Variants in IDO2 observed in about 807,000 individuals in gnomAD.
IDO2 encodes the protein indoleamine 2,3-dioxygenase-like 1 protein.
In IDO2, 46 loss-of-function variants were observed where a neutral mutation model predicts 45.1. That is an observed-to-expected ratio of 1.02 (90% CI 0.80 to 1.30). IDO2 has a LOEUF of 1.30. Ranked by LOEUF, IDO2 falls within the 50% of genes most tolerant of loss-of-function variation. The pLI is 0.00. For synonymous variants in IDO2, 218 were observed against 184.9 expected (o/e 1.18, Z -1.45); for missense variants, 544 against 491.8 (o/e 1.11, Z -1.00).
chr8:39,983,430 T>C (rs1252047984), intron 5 of IDO2, among the ~76,000 whole-genome samples: 1 of 152,224 alleles, frequency 6.6e-6, no homozygotes, highest in Non-Finnish European at 1.5e-5. Flanking sequence ...CTTTCTTTTG[T>C]GGCTGACTAC....
chr8:39,948,943 G>C (rs759611547), intron 1 of IDO2, among the ~76,000 whole-genome samples: 1 of 152,088 alleles, frequency 6.6e-6, no homozygotes. Context: ...GAGTTTGTTT[G>C]GTTTGTCTGT....
At chr8:39,997,781 C>T (rs1192565511) in intron 8 of IDO2, 3 of 153,104 alleles carry the variant, frequency 2.0e-5, no homozygotes, top group Non-Finnish European at 4.4e-5. Context: ...CACATTTTCA[C>T]CAGTCGTTGT....
intron 2 of IDO2, among the ~76,000 whole-genome samples, chr8:39,950,353 G>T (rs1045068260): frequency 2.0e-5 from 3 of 152,116 alleles, no homozygotes; most frequent in African/African-American, 7.2e-5. Flanking sequence ...TCAACATGGT[G>T]AAACCCCGTC....
In IDO2 at chr8:40,013,542, T is replaced by C. The variant is rs370544934; in HGVS notation, c.720-23T>C. The C allele has an allele frequency of 2.1e-5, 34 of 1,605,468 alleles. No individual in the cohort carries two copies. The African/African-American group carries it at 4.4e-4, about 21-fold the overall frequency. On this transcript the variant is annotated intron_variant, in intron 9 of 10. Coordinates refer to ENST00000502986, the Ensembl canonical transcript of IDO2. The stretch of plus-strand genomic sequence containing the variant: ...ATTACCTCCCTGCACCCCTTTCATC[T>C]CTCTCACTTTTCTCTTGCTTAGATG...
chr8:40,015,228 G>T lies in IDO2; in HGVS notation c.869-19G>T, dbSNP rs1012793230. The stretch of plus-strand genomic sequence containing the variant: ...TTTCCATGTGGAGCTATGACGTTAT[G>T]CTGTATTGTTTCTTTCAGGTGACTT... On this transcript the variant is annotated intron_variant, in intron 10 of 10. Coordinates refer to ENST00000502986, the Ensembl canonical transcript of IDO2. 2.9e-6 allele frequency: 4 copies of T among 1,360,292 alleles called. No homozygotes were observed. In the East Asian group the frequency reaches 9.2e-5, roughly 31 times the overall value. 84.3% of individuals were successfully genotyped at this position (1,360,292 alleles called of 1,614,324 possible).
At chr8:39,989,421 T>C (rs1415124891) in intron 7 of IDO2, among the ~76,000 whole-genome samples, 5 of 152,122 alleles carry the variant, frequency 3.3e-5, no homozygotes, top group African/African-American at 1.2e-4. Flanking sequence ...GTAGAACTGA[T>C]CATAACGTGA....
intron 1 of IDO2, among the ~76,000 whole-genome samples, chr8:39,942,593 T>A (rs1807660064): frequency 6.6e-6 from 1 of 151,848 alleles, no homozygotes; most frequent in South Asian, 2.1e-4. Context: ...TGAGGCAAGA[T>A]CAAGCCACGG....
exon 11 of IDO2, chr8:40,015,710 A>G: frequency 1.3e-6 from 1 of 795,828 alleles, no homozygotes. Context: ...TCTCAGCCCT[A>G]TTCATGTTTC....
chr8:39,992,109 G>A (rs751740789), intron 8 of IDO2, among the ~76,000 whole-genome samples: 5 of 152,222 alleles, frequency 3.3e-5, no homozygotes, highest in Admixed American at 6.5e-5. Flanking sequence ...CATCCTGCGC[G>A]CTCCTCCACA....
intron 3 of IDO2, among the ~76,000 whole-genome samples, chr8:39,975,330 T>C (rs1020863285): frequency 2.6e-5 from 4 of 151,930 alleles, no homozygotes; most frequent in African/African-American, 9.7e-5. Context: ...CCTCTGTTCA[T>C]CAAAACAGGC....
intron 2 of IDO2, among the ~76,000 whole-genome samples, chr8:39,960,032 T>G (rs1807968632): frequency 6.6e-6 from 1 of 152,142 alleles, no homozygotes; most frequent in African/African-American, 2.4e-5. Flanking sequence ...ACCCAAGTTA[T>G]GAATTAATTA....
At chr8:39,941,978 A>G (rs928593457) in intron 1 of IDO2, among the ~76,000 whole-genome samples, 29 of 152,288 alleles carry the variant, frequency 1.9e-4, no homozygotes, top group African/African-American at 6.7e-4. Flanking sequence ...AGTCCCAGCT[A>G]CTCACTCAAC....
intron 5 of IDO2, among the ~76,000 whole-genome samples, chr8:39,983,550 A>G (rs1808383394): frequency 6.6e-6 from 1 of 152,142 alleles, no homozygotes; most frequent in South Asian, 2.1e-4. Flanking sequence ...TTTAGTAGAC[A>G]GCCTAGATTT....
At chr8:39,944,248 AC>A (rs1317674881) in intron 1 of IDO2, among the ~76,000 whole-genome samples, 1 of 141,976 alleles carries the variant, frequency 7.0e-6, no homozygotes, top group Non-Finnish European at 1.5e-5. Context: ...GAGATCTATG[AC>A]CTGAATATTA....
rs191253971 is a variant in IDO2 at position 40,004,688 on chromosome 8, C to T, written c.668-639C>T. On this transcript the variant is annotated intron_variant, in intron 8 of 10. Coordinates refer to ENST00000502986, the Ensembl canonical transcript of IDO2. ...TACGTGAAAACAATAGAACAACCTT[C>T]GAAAAGAAATTTAGTACAAATAAGA... 3.3e-3 allele frequency among the ~76,000 whole-genome samples: 502 copies of T among 151,740 alleles called. 2 individuals are homozygous for T. Among genetic ancestry groups the T allele is most frequent in the African/African-American group, 0.012 (487 of 41,424 alleles).
At chr8:39,995,277 T>TTCTTCTTCTTCTTCTTCTTCTTCC (rs1802023337) in intron 8 of IDO2, 1 of 127,680 alleles carries the variant, frequency 7.8e-6, no homozygotes, top group Non-Finnish European at 1.6e-5. Context: ...CTTCTTCTTC[T>TTCTTCTTCTTCTTCTTCTTCTTCC]TCTTCTTCTT....
chr8:39,974,000 A>G (rs1319714057), intron 3 of IDO2, among the ~76,000 whole-genome samples: 1 of 152,148 alleles, frequency 6.6e-6, no homozygotes, highest in East Asian at 1.9e-4. Context: ...TTGGCCTCTC[A>G]AAGTGCTGGG....
chr8:39,963,759 CT>C, intron 3 of IDO2, 56 bp downstream of exon 3: 1 of 1,013,960 alleles, frequency 9.9e-7, no homozygotes, highest in Non-Finnish European at 1.5e-6. Flanking sequence ...TACCACTTTT[CT>C]TTCTTAGCCT....
chr8:39,977,377 G>T (rs913922052), intron 3 of IDO2, among the ~76,000 whole-genome samples: 1 of 152,332 alleles, frequency 6.6e-6, no homozygotes, highest in East Asian at 1.9e-4. Flanking sequence ...ATGCTCACCT[G>T]GTTCTTGTTA....
Sources: gnomAD v4.1 joint callset for allele counts (sites outside exome capture counted in the v4.1 genomes callset) on GRCh38, gnomAD v4.1.1 for gene constraint, MANE v1.5 for transcripts, NCBI Gene and HGNC (gene_info 2026-07-23, HGNC 2026-07-21) for gene names.